The following ZBTB41 variants were observed in gnomAD, a reference collection of about 807,000 sequenced individuals.
ZBTB41 encodes the protein zinc finger and BTB domain containing 41.
Under a neutral mutation model 87.6 loss-of-function variants are expected in ZBTB41, and 42 were observed. The ratio of observed to expected loss-of-function variants is 0.48; its 90% CI spans 0.37 to 0.62. ZBTB41 has a LOEUF of 0.62. Among genes scored for constraint, ZBTB41 ranks in the 20% least tolerant of loss-of-function variants. ZBTB41 has a pLI of 0.00. For synonymous variants in ZBTB41, 364 were observed against 364.0 expected (o/e 1.00, Z 0.00); for missense variants, 799 against 1,078.9 (o/e 0.74, Z 3.63).
chr1:197,166,112 G>A (rs1422623275), intron 10 of ZBTB41, among the ~76,000 whole-genome samples: 1 of 152,048 alleles, frequency 6.6e-6, no homozygotes, highest in African/African-American at 2.4e-5. Flanking sequence ...GATGGGTGCA[G>A]GAAACCACCA....
chr1:197,167,786 C>T (rs1330331710), intron 10 of ZBTB41, among the ~76,000 whole-genome samples: 1 of 152,136 alleles, frequency 6.6e-6, no homozygotes, highest in African/African-American at 2.4e-5. Context: ...AAATATCATA[C>T]TTAATTGTGA....
At chr1:197,200,685 CTGAA>C (rs1652739684) in intron 1 of ZBTB41, 95 bp from the exon 2 acceptor site, 7 of 465,634 alleles carry the variant, frequency 1.5e-5, no homozygotes, top group Non-Finnish European at 2.6e-5. Flanking sequence ...CTAATTATAA[CTGAA>C]TGATGATAAA....
chr1:197,200,540 G>A lies in ZBTB41; in HGVS notation c.-67C>T, dbSNP rs1025292105. The A allele has an allele frequency of 6.9e-7, 1 of 1,446,374 alleles. No individual in the cohort carries two copies. Among genetic ancestry groups the A allele is most frequent in the Non-Finnish European group, 9.2e-7 (1 of 1,088,180 alleles). The allele number at this position is 1,446,374 out of a possible 1,614,324, so 89.6% of individuals were successfully genotyped here. A position where few individuals can be genotyped will look rare whatever the true frequency, so the allele number is the denominator to read the frequency against. On this transcript the variant is annotated 5_prime_UTR_variant, in exon 2 of 11. Coordinates refer to ENST00000367405, the MANE Select transcript of ZBTB41 (RefSeq NM_194314.3). ...TTAAGTGATTTATAAAGGAAAACTAGATTGTCTTGGATAACAGCTTCTGAA... is the reference window on the plus strand; with the variant it reads ...TTAAGTGATTTATAAAGGAAAACTAAATTGTCTTGGATAACAGCTTCTGAA...
intron 2 of ZBTB41, among the ~76,000 whole-genome samples, chr1:197,193,079 G>A (rs1193574741): frequency 1.3e-5 from 2 of 152,206 alleles, no homozygotes; most frequent in African/African-American, 4.8e-5. Context: ...ATGCATATCT[G>A]ATATGCATAT....
rs1659023552 is a variant in ZBTB41, at chr1:197,154,613, T to C, written c.*4746A>G. 6.6e-6 allele frequency: 1 copy of C among 152,000 alleles called. No homozygotes were observed. The highest frequency in any genetic ancestry group is 2.4e-5 in the African/African-American group (1 of 41,420). The allele number at this position is 152,000 out of a possible 1,614,324, so 9.4% of individuals were successfully genotyped here. On this transcript the variant is annotated 3_prime_UTR_variant, in exon 11 of 11. Coordinates refer to ENST00000367405, the MANE Select transcript of ZBTB41 (RefSeq NM_194314.3). ...AGAAAGAGCAGAAAGCATGCTAAGA[T>C]TATAGGGAAAAGGTATCTTAAGTAA...
At chr1:197,166,923 A>C (rs1659359503) in intron 10 of ZBTB41, among the ~76,000 whole-genome samples, 1 of 152,172 alleles carries the variant, frequency 6.6e-6, no homozygotes, top group African/African-American at 2.4e-5. Context: ...TTATTCTGTC[A>C]ATTCTTGCAA....
intron 7 of ZBTB41, among the ~76,000 whole-genome samples, chr1:197,177,533 C>T (rs1659639123): frequency 6.6e-6 from 1 of 152,064 alleles, no homozygotes; most frequent in South Asian, 2.1e-4. Flanking sequence ...CAACTACAAA[C>T]TGATATTTAA....
chr1:197,188,497 A>G, intron 4 of ZBTB41, 58 bp from the exon 5 acceptor site: 1 of 1,444,542 alleles, frequency 6.9e-7, no homozygotes. Context: ...TGTAATATTA[A>G]GCTTGTAATG....
chr1:197,174,882 G>A (rs1659564581), intron 9 of ZBTB41, 128 bp downstream of exon 9: 3 of 602,340 alleles, frequency 5.0e-6, no homozygotes, highest in Admixed American at 6.7e-5. Flanking sequence ...CTATAGAGAT[G>A]CTACAGAATG....
Position 197,194,633 on chromosome 1 carries a change from A to AG in ZBTB41, c.1121-2735dup, listed in dbSNP as rs398103553. 9.4e-3 allele frequency among the ~76,000 whole-genome samples: 1,070 copies of AG among 113,484 alleles called. 9 individuals are homozygous for AG. The highest frequency in any genetic ancestry group is 0.032 in the African/African-American group (972 of 30,374). 74.4% of individuals were successfully genotyped at this position (113,484 alleles called of 152,430 possible). A position where few individuals can be genotyped will look rare whatever the true frequency, so the allele number is the denominator to read the frequency against. On this transcript the variant is annotated intron_variant, in intron 2 of 10. Transcript: ENST00000367405. ...ATTTAAGCAAGAAAAAAAAAAAAAA[A>AG]GAAGAAGAAGAAGGAAGTTTGGGAA...
Position 197,160,441 on chromosome 1 carries a change from C to T in ZBTB41, c.2075-427G>A, listed in dbSNP as rs181030005. Among the ~76,000 whole-genome samples the T allele has an allele frequency of 1.4e-4, 22 of 152,116 alleles. No homozygotes were observed. The East Asian group carries it at 4.0e-3, about 28-fold the overall frequency. On this transcript the variant is annotated intron_variant, in intron 10 of 10. Transcript: ENST00000367405. Reference sequence around the variant, plus strand: ...TCCCATAGCCCTCAAAAAGGTTAAACCAAAACATCTGATTTTCTCCCCCAC... The same window carrying T: ...TCCCATAGCCCTCAAAAAGGTTAAATCAAAACATCTGATTTTCTCCCCCAC...
At position 197,157,731 on chromosome 1, in the gene ZBTB41, CTTT is replaced by C. The variant is rs1284384532; in HGVS notation, c.*1625_*1627del. 1 of 152,248 alleles carries C rather than the reference CTTT, an allele frequency of 6.6e-6. No homozygotes were observed. The highest frequency in any genetic ancestry group is 1.5e-5 in the Non-Finnish European group (1 of 67,796). The allele number at this position is 152,248 out of a possible 1,614,324, so 9.4% of individuals were successfully genotyped here. A position where few individuals can be genotyped will look rare whatever the true frequency, so the allele number is the denominator to read the frequency against. On this transcript the variant is annotated 3_prime_UTR_variant, in exon 11 of 11. Coordinates refer to ENST00000367405, the MANE Select transcript of ZBTB41 (RefSeq NM_194314.3). ...TTAACTGCCTCAGTTTTCAATATTT[CTTT>C]TGTTTTACCTCCGCTAGTATGGCGA...
chr1:197,190,177 T>A (rs1557985647), intron 4 of ZBTB41, among the ~76,000 whole-genome samples: 1 of 152,062 alleles, frequency 6.6e-6, no homozygotes, highest in Non-Finnish European at 1.5e-5. Flanking sequence ...CGCCTAGGCC[T>A]CCCAAAGTGC....
At position 197,190,958 on chromosome 1, in the gene ZBTB41, C is replaced by T. The variant is rs892775912; in HGVS notation, c.1329-127G>A. On this transcript the variant is annotated intron_variant, in intron 3 of 10. Coordinates refer to ENST00000367405, the MANE Select transcript of ZBTB41 (RefSeq NM_194314.3). ...TTCCTTTCATAATGAGACAAGTAGG[C>T]ATAGATGAGCTCTTTAAGAAGGTAT... 3 of 558,298 alleles carry T rather than the reference C, an allele frequency of 5.4e-6. No homozygotes were observed. The African/African-American group carries it at 5.9e-5, about 11-fold the overall frequency. The allele number at this position is 558,298 out of a possible 1,614,324, so 34.6% of individuals were successfully genotyped here. A position where few individuals can be genotyped will look rare whatever the true frequency, so the allele number is the denominator to read the frequency against.
Position 197,199,800 on chromosome 1 carries a change from T to C in ZBTB41, c.674A>G (p.His225Arg). The C allele has an allele frequency of 6.2e-7, 1 of 1,612,406 alleles. No individual in the cohort carries two copies. The highest frequency in any genetic ancestry group is 8.5e-7 in the Non-Finnish European group (1 of 1,179,392). Residue 225 changes from histidine (H) to arginine (R), a missense_variant, in exon 2 of 11, where the codon CAT (histidine) becomes CGT (arginine). Transcript: ENST00000367405. The stretch of plus-strand genomic sequence containing the variant: ...AAGGGACCTATGGGTTTTAGCCAAA[T>C]GATTCTCTAAAGACTTTTTATAACA... Reference protein sequence around the residue: ...HFCYKKSLENHLAKTHRSLLL... With the variant: ...HFCYKKSLENRLAKTHRSLLL...
chr1:197,185,443 T>C (rs180797217), intron 5 of ZBTB41, among the ~76,000 whole-genome samples: 2 of 152,218 alleles, frequency 1.3e-5, no homozygotes, highest in East Asian at 1.9e-4. Flanking sequence ...TTAAATACTA[T>C]AGCGCATTCC....
At chr1:197,173,176 T>C (rs1010649740) in intron 9 of ZBTB41, among the ~76,000 whole-genome samples, 2 of 152,082 alleles carry the variant, frequency 1.3e-5, no homozygotes, top group African/African-American at 4.8e-5. Context: ...GGCAAAATAA[T>C]TAAATCAAAC....
At chr1:197,193,151 C>T (rs1660075893) in intron 2 of ZBTB41, among the ~76,000 whole-genome samples, 1 of 152,088 alleles carries the variant, frequency 6.6e-6, no homozygotes, top group African/African-American at 2.4e-5. Flanking sequence ...TTTAATCAAG[C>T]TAATAATTTA....
chr1:197,183,292 T>G (rs1659801763), intron 5 of ZBTB41, among the ~76,000 whole-genome samples: 1 of 152,128 alleles, frequency 6.6e-6, no homozygotes, highest in Admixed American at 6.5e-5. Context: ...ATACAGTACC[T>G]CATATAATCC....
Sources: gnomAD v4.1 joint callset for allele counts (sites outside exome capture counted in the v4.1 genomes callset) on GRCh38, gnomAD v4.1.1 for gene constraint, MANE v1.5 for transcripts, NCBI Gene and HGNC (gene_info 2026-07-23, HGNC 2026-07-21) for gene names.